The following CTNNA2 variants were observed in gnomAD, a reference collection of about 807,000 sequenced individuals.
CTNNA2 encodes the protein catenin alpha 2, also known as catenin alpha-2.
A neutral mutation model predicts 101.0 loss-of-function variants in CTNNA2; 42 were observed. The ratio of observed to expected loss-of-function variants is 0.42; its 90% CI spans 0.32 to 0.54. The LOEUF (loss-of-function observed/expected upper bound fraction) is 0.54. Ranked by LOEUF, CTNNA2 falls within the 20% of genes least tolerant of loss-of-function variation. The pLI, the probability that CTNNA2 is intolerant of heterozygous loss-of-function variation, is 0.14. For synonymous variants in CTNNA2, 450 were observed against 456.4 expected, an observed-to-expected ratio of 0.99 and a Z score of 0.18; for missense variants, 871 against 1,223.1, an observed-to-expected ratio of 0.71 and a Z score of 4.29.
intron 14 of CTNNA2, among the ~76,000 whole-genome samples, chr2:80,588,233 T>C (rs376134767): frequency 7.9e-5 from 12 of 152,200 alleles, no homozygotes; most frequent in African/African-American, 2.7e-4. Context: ...GCCCGCCTTC[T>C]CGTGCTCGGG....
At chr2:79,870,522 G>C (rs538333463) in intron 5 of CTNNA2, among the ~76,000 whole-genome samples, 1 of 152,092 alleles carries the variant, frequency 6.6e-6, no homozygotes, top group Non-Finnish European at 1.5e-5. Context: ...GCAGGTGAGC[G>C]TGAGTCACTC....
Position 80,484,422 on chromosome 2 carries a change from A to C in CTNNA2, c.1291-60560A>C, listed in dbSNP as rs370845631. Among the ~76,000 whole-genome samples, 15 of 152,182 alleles carry C rather than the reference A, an allele frequency of 9.9e-5. No individual in the cohort carries two copies. The East Asian group carries it at 1.3e-3, about 14-fold the overall frequency. On this transcript the variant is annotated intron_variant, in intron 9 of 18. Transcript: ENST00000402739. ...ACTGAAAACAGTGTCTAGTGTCTTA[A>C]AATTAATAATAGTAATAATACTTGG...
chr2:80,195,422 T>C (rs1056818925), intron 7 of CTNNA2, among the ~76,000 whole-genome samples: 3 of 152,176 alleles, frequency 2.0e-5, no homozygotes, highest in African/African-American at 7.2e-5. Context: ...TTTAACATAT[T>C]TGAAAGGTAA....
intron 4 of CTNNA2, among the ~76,000 whole-genome samples, chr2:79,490,057 T>C (rs1404734214): frequency 1.3e-5 from 2 of 152,198 alleles, no homozygotes; most frequent in African/African-American, 4.8e-5. Flanking sequence ...GCCTAGTTCT[T>C]GCCAATTTCA....
chr2:80,132,301 C>T (rs1382995796), intron 7 of CTNNA2, among the ~76,000 whole-genome samples: 1 of 152,068 alleles, frequency 6.6e-6, no homozygotes, highest in Non-Finnish European at 1.5e-5. Flanking sequence ...GGAGAGAGGG[C>T]TGTCTCATAA....
chr2:80,432,879 T>C (rs985077745), intron 9 of CTNNA2, among the ~76,000 whole-genome samples: 1 of 152,166 alleles, frequency 6.6e-6, no homozygotes, highest in African/African-American at 2.4e-5. Context: ...GTAAAGCCTG[T>C]AATGTATCTT....
At chr2:80,436,142 A>G (rs1424425561) in intron 9 of CTNNA2, among the ~76,000 whole-genome samples, 2 of 152,190 alleles carry the variant, frequency 1.3e-5, no homozygotes, top group Non-Finnish European at 2.9e-5. Flanking sequence ...GGTCATCGAC[A>G]TTAGTGGCTT....
intron 1 of CTNNA2, among the ~76,000 whole-genome samples, chr2:79,608,020 C>G (rs1678013433): frequency 6.6e-6 from 1 of 151,092 alleles, no homozygotes; most frequent in African/African-American, 2.4e-5. Flanking sequence ...AAGTCTCTAG[C>G]CAGACTTAGA....
intron 8 of CTNNA2, among the ~76,000 whole-genome samples, chr2:80,413,083 A>C (rs928226135): frequency 6.6e-6 from 1 of 152,232 alleles, no homozygotes; most frequent in Admixed American, 6.5e-5. Context: ...CTATTCCATC[A>C]GTGAGACATG....
At chr2:79,952,060 A>T (rs1688920191) in intron 7 of CTNNA2, among the ~76,000 whole-genome samples, 1 of 152,110 alleles carries the variant, frequency 6.6e-6, no homozygotes, top group African/African-American at 2.4e-5. Flanking sequence ...TGCCACCTCC[A>T]TCCAAATCCA....
chr2:80,130,905 G>A (rs757128006), intron 7 of CTNNA2, among the ~76,000 whole-genome samples: 23 of 151,002 alleles, frequency 1.5e-4, no homozygotes, highest in Admixed American at 2.0e-4. Flanking sequence ...ATATTAATTC[G>A]CCTTGTGATT....
chr2:79,293,376 A>G (rs1241928005), intron 2 of CTNNA2: 1 of 152,204 alleles, frequency 6.6e-6, no homozygotes, highest in African/African-American at 2.4e-5. Context: ...GTTTTCATTC[A>G]TTTATTTAAT....
Position 80,310,971 on chromosome 2 carries a change from T to TG in CTNNA2, c.1057-82240_1057-82239insG, listed in dbSNP as rs1558994381. On this transcript the variant is annotated intron_variant, in intron 7 of 18. Coordinates refer to ENST00000402739, the MANE Select transcript of CTNNA2 (RefSeq NM_001282597.3). The stretch of plus-strand genomic sequence containing the variant: ...CTGGGTGACAGTGCGAGACTCCATC[T>TG]CAAAAAAAAAAAAAAAAAATGTAAA... Among the ~76,000 whole-genome samples the TG allele has an allele frequency of 2.9e-3, 228 of 79,762 alleles. 2 individuals are homozygous for TG. Among genetic ancestry groups the TG allele is most frequent in the African/African-American group, 0.016 (209 of 13,454 alleles). 52.3% of individuals were successfully genotyped at this position (79,762 alleles called of 152,430 possible).
At chr2:79,335,088 C>T (rs774935966) in intron 3 of CTNNA2, among the ~76,000 whole-genome samples, 27 of 152,170 alleles carry the variant, frequency 1.8e-4, no homozygotes, top group African/African-American at 6.3e-4. Flanking sequence ...TAACTTCACT[C>T]TAATCCCAGA....
chr2:80,020,601 A>G (rs556680248), intron 7 of CTNNA2, among the ~76,000 whole-genome samples: 1 of 152,342 alleles, frequency 6.6e-6, no homozygotes, highest in East Asian at 1.9e-4. Context: ...AGTCATGTAC[A>G]CCATTCTAGT....
intron 3 of CTNNA2, among the ~76,000 whole-genome samples, chr2:79,318,528 GA>G (rs1283726510): frequency 6.6e-6 from 1 of 152,152 alleles, no homozygotes; most frequent in Non-Finnish European, 1.5e-5. Flanking sequence ...CTGATATGAA[GA>G]GATGCATATA....
intron 7 of CTNNA2, among the ~76,000 whole-genome samples, chr2:80,093,265 T>G (rs1317144746): frequency 1.3e-5 from 2 of 152,114 alleles, no homozygotes; most frequent in Non-Finnish European, 2.9e-5. Flanking sequence ...TTTGGTTTTT[T>G]GTCCTTGCGA....
At chr2:79,382,076 G>T (rs932088156) in intron 4 of CTNNA2, among the ~76,000 whole-genome samples, 4 of 152,026 alleles carry the variant, frequency 2.6e-5, no homozygotes, top group African/African-American at 7.3e-5. Flanking sequence ...CACTAGTGGG[G>T]GTAGGCATCA....
intron 7 of CTNNA2, among the ~76,000 whole-genome samples, chr2:80,122,983 C>T (rs1313269872): frequency 6.6e-6 from 1 of 152,156 alleles, no homozygotes; most frequent in Non-Finnish European, 1.5e-5. Context: ...AACTCATCAG[C>T]TTCAAATGGA....
Sources: gnomAD v4.1 joint callset for allele counts (sites outside exome capture counted in the v4.1 genomes callset) on GRCh38, gnomAD v4.1.1 for gene constraint, MANE v1.5 for transcripts, NCBI Gene and HGNC (gene_info 2026-07-23, HGNC 2026-07-21) for gene names.